The following ITGA6 variants were observed in gnomAD, a reference collection of about 807,000 sequenced individuals.
ITGA6 encodes integrin alpha-6.
In ITGA6, 63 loss-of-function variants were observed where a neutral mutation model predicts 133.6. The ratio of observed to expected loss-of-function variants is 0.47; its 90% CI spans 0.38 to 0.58. ITGA6 has a LOEUF of 0.58. Ranked by LOEUF, ITGA6 falls within the 20% of genes least tolerant of loss-of-function variation. ITGA6 has a pLI of 0.00. For missense variants in ITGA6, 1,068 were observed against 1,309.4 expected, an observed-to-expected ratio of 0.82 and a Z score of 2.85; for synonymous variants, 434 against 482.0, an observed-to-expected ratio of 0.90 and a Z score of 1.30.
intron 1 of ITGA6, among the ~76,000 whole-genome samples, chr2:172,456,055 GCAGGCCA>G (rs1685194538): frequency 6.6e-6 from 1 of 152,222 alleles, no homozygotes; most frequent in African/African-American, 2.4e-5. Flanking sequence ...AGCAGTCGAG[GCAGGCCA>G]CCAGGTTTGC....
intron 11 of ITGA6, among the ~76,000 whole-genome samples, chr2:172,482,440 A>G (rs1013365434): frequency 1.3e-5 from 2 of 152,182 alleles, no homozygotes; most frequent in Admixed American, 6.5e-5. Flanking sequence ...TGTTCCATAC[A>G]TATAGATATC....
chr2:172,437,525 T>A (rs928892699), intron 1 of ITGA6, among the ~76,000 whole-genome samples: 1 of 151,976 alleles, frequency 6.6e-6, no homozygotes, highest in Non-Finnish European at 1.5e-5. Context: ...TGGGGAGAGA[T>A]GTGAGAGTAA....
intron 1 of ITGA6, among the ~76,000 whole-genome samples, chr2:172,445,817 C>T (rs4480959): frequency 0.13 from 19,232 of 152,112 alleles, 2,023 homozygotes; most frequent in East Asian, 0.52. Flanking sequence ...CAACCTCAAA[C>T]TCAAGGTGGT....
intron 5 of ITGA6, chr2:172,472,638 G>A: frequency 1.6e-6 from 1 of 624,364 alleles, no homozygotes; most frequent in Non-Finnish European, 2.9e-6. Flanking sequence ...TTGAGGTTTT[G>A]GAAGCTGGCA....
chr2:172,438,175 G>A (rs1264180805), intron 1 of ITGA6, among the ~76,000 whole-genome samples: 1 of 151,706 alleles, frequency 6.6e-6, no homozygotes, highest in Non-Finnish European at 1.5e-5. Flanking sequence ...TAGTGAGCTG[G>A]TTTGATGAAG....
intron 2 of ITGA6, 102 bp downstream of exon 2, chr2:172,465,765 C>T (rs1685638360): frequency 2.0e-6 from 3 of 1,479,612 alleles, no homozygotes; most frequent in Non-Finnish European, 1.9e-6. Flanking sequence ...GTAGAGAGGA[C>T]TTCTTTTAAT....
chr2:172,458,882 A>G (rs527238768), intron 1 of ITGA6, among the ~76,000 whole-genome samples: 1 of 152,358 alleles, frequency 6.6e-6, no homozygotes, highest in African/African-American at 2.4e-5. Flanking sequence ...TCTGTTATGT[A>G]AAAGGCACAG....
At chr2:172,467,696 A>C in intron 3 of ITGA6, 136 bp downstream of exon 3, 1 of 717,990 alleles carries the variant, frequency 1.4e-6, no homozygotes, top group Non-Finnish European at 2.5e-6. Flanking sequence ...GGATGTCAAA[A>C]AGAAATCAGA....
intron 1 of ITGA6, among the ~76,000 whole-genome samples, chr2:172,433,549 C>CACT (rs1684195956): frequency 6.6e-6 from 1 of 152,180 alleles, no homozygotes; most frequent in Admixed American, 6.6e-5. Context: ...TTAGAATAGT[C>CACT]CTGGTCCAGA....
intron 19 of ITGA6, 33 bp from the exon 20 acceptor site, chr2:172,489,452 T>G (rs1686829639): frequency 1.3e-6 from 2 of 1,521,458 alleles, no homozygotes; most frequent in Non-Finnish European, 1.8e-6. Context: ...TTGAGAAGAT[T>G]AGACTGAGAT....
Position 172,487,527 on chromosome 2 carries a change from A to C in ITGA6, c.2161-20A>C, listed in dbSNP as rs746253899. On this transcript the variant is annotated intron_variant, in intron 15 of 25. Coordinates refer to ENST00000684293, the MANE Select transcript of ITGA6 (RefSeq NM_000210.4). ...GTGGCAAATGAGTGGATTGTGACCTAGCGTGTGTTTCTTTTACAGGAGAAA... is the reference window on the plus strand; with the variant it reads ...GTGGCAAATGAGTGGATTGTGACCTCGCGTGTGTTTCTTTTACAGGAGAAA... 1 of 1,612,800 alleles carries C rather than the reference A, an allele frequency of 6.2e-7. No homozygotes were observed. The highest frequency in any genetic ancestry group is 1.3e-5 in the African/African-American group (1 of 75,030).
intron 1 of ITGA6, among the ~76,000 whole-genome samples, chr2:172,450,346 T>G (rs1052798872): frequency 1.3e-5 from 2 of 152,212 alleles, no homozygotes; most frequent in Non-Finnish European, 2.9e-5. Flanking sequence ...GTTAGAATGA[T>G]ACTATAGTTG....
chr2:172,467,576 C>T lies in ITGA6; in HGVS notation c.387+16C>T. Reference sequence around the variant, plus strand: ...CAAGGTCGTGGTAAGTGTAGAGACACATGTTCATCCTATACTGTTGGACTG... The same window carrying T: ...CAAGGTCGTGGTAAGTGTAGAGACATATGTTCATCCTATACTGTTGGACTG... On this transcript the variant is annotated intron_variant, in intron 3 of 25. Coordinates refer to ENST00000684293, the MANE Select transcript of ITGA6 (RefSeq NM_000210.4). 3.1e-6 allele frequency: 5 copies of T among 1,593,378 alleles called. No homozygotes were observed. Among genetic ancestry groups the T allele is most frequent in the Non-Finnish European group, 4.3e-6 (5 of 1,161,338 alleles).
intron 8 of ITGA6, 26 bp from the exon 9 acceptor site, chr2:172,476,369 C>T: frequency 8.6e-7 from 1 of 1,157,544 alleles, no homozygotes; most frequent in Non-Finnish European, 1.3e-6. Context: ...AACCTAATGT[C>T]CATTCGGATG....
intron 20 of ITGA6, 94 bp from the exon 21 acceptor site, chr2:172,490,930 C>T (rs141622548): frequency 6.5e-6 from 5 of 774,042 alleles, no homozygotes; most frequent in Admixed American, 1.8e-5. Context: ...TTATGTGAAT[C>T]TGGCACTGTT....
At chr2:172,476,078 T>C (rs1686162089) in intron 8 of ITGA6, among the ~76,000 whole-genome samples, 1 of 152,042 alleles carries the variant, frequency 6.6e-6, no homozygotes, top group African/African-American at 2.4e-5. Context: ...AAAATGTCTT[T>C]TGAGAAAAAT....
rs2272498 is a variant in ITGA6, at chr2:172,467,246, A to T, written c.308-235A>T. Among the ~76,000 whole-genome samples, 22,080 of 152,218 alleles carry T rather than the reference A, an allele frequency of 0.15. 1,719 individuals carry two copies. The highest frequency in any genetic ancestry group is 0.17 in the Non-Finnish European group (11,331 of 68,008). On this transcript the variant is annotated intron_variant, in intron 2 of 25. Coordinates refer to ENST00000684293, the MANE Select transcript of ITGA6 (RefSeq NM_000210.4). ...GAGGGCAAAGGGTATTGTTGGACAAAATAGGCAACTATATAGAGCTAAGTA... is the reference window on the plus strand; with the variant it reads ...GAGGGCAAAGGGTATTGTTGGACAATATAGGCAACTATATAGAGCTAAGTA...
chr2:172,437,263 T>C (rs2148997359), intron 1 of ITGA6, among the ~76,000 whole-genome samples: 1 of 152,352 alleles, frequency 6.6e-6, no homozygotes, highest in African/African-American at 2.4e-5. Flanking sequence ...GAGAGTAGAC[T>C]GTATGAGGAC....
At position 172,487,384 on chromosome 2, in the gene ITGA6, G is replaced by A. The variant is rs1686731182; in HGVS notation, c.2091G>A (p.Glu697=). The A allele has an allele frequency of 1.2e-6, 2 of 1,614,160 alleles. No individual in the cohort carries two copies. The highest frequency in any genetic ancestry group is 1.7e-6 in the Non-Finnish European group (2 of 1,179,992). ...CAAAAGATGGCGATGACGCCCATGA[G>A]GCTAAACTGATTGCAACGTTTCCAG... ...NPTKDGDDAH[E]AKLIATFPDT... The change falls in exon 15 of 26, where the codon GAG becomes GAA. Residue 697 remains glutamate (E), a synonymous_variant. Transcript: ENST00000684293.
Sources: gnomAD v4.1 joint callset for allele counts (sites outside exome capture counted in the v4.1 genomes callset) on GRCh38, gnomAD v4.1.1 for gene constraint, MANE v1.5 for transcripts, NCBI Gene and HGNC (gene_info 2026-07-23, HGNC 2026-07-21) for gene names.